CACNB2: variants seen among roughly 807,000 people sequenced by gnomAD.
CACNB2 encodes voltage-dependent L-type calcium channel subunit beta-2.
Under a neutral mutation model 73.3 loss-of-function variants are expected in CACNB2, and 42 were observed. The ratio of observed to expected loss-of-function variants is 0.57; its 90% confidence interval spans 0.45 to 0.74. The LOEUF is 0.74. Among genes scored for constraint, CACNB2 ranks in the 30% least tolerant of loss-of-function variants. The pLI, the probability that CACNB2 is intolerant of heterozygous loss-of-function variation, is 0.00. For synonymous variants in CACNB2, 348 were observed against 310.3 expected (o/e 1.12, Z -1.28); for missense variants, 940 against 853.0 (o/e 1.10, Z -1.27).
rs149131951 is a variant in CACNB2 at position 18,387,003 on chromosome 10, G to A, written c.214-14921G>A. ...CATTTAATTCCCTTCATAATTAAACGCTCCAGCGTATAATCACGGTGTATA... is the reference window on the plus strand; with the variant it reads ...CATTTAATTCCCTTCATAATTAAACACTCCAGCGTATAATCACGGTGTATA... On this transcript the variant is annotated intron_variant, in intron 2 of 13. Coordinates refer to ENST00000324631, the MANE Select transcript of CACNB2 (RefSeq NM_201596.3). Among the ~76,000 whole-genome samples the A allele has an allele frequency of 1.8e-3, 279 of 152,236 alleles. 1 individual carries two copies. Among genetic ancestry groups the A allele is most frequent in the African/African-American group, 6.0e-3 (248 of 41,538 alleles).
Position 18,506,885 on chromosome 10 carries a change from G to C in CACNB2, c.670+338G>C, listed in dbSNP as rs1372546385. On this transcript the variant is annotated intron_variant, in intron 6 of 13. Coordinates refer to ENST00000324631, the MANE Select transcript of CACNB2 (RefSeq NM_201596.3). ...CATGATCGCAGCTCACTGCGCCTCT[G>C]CCTCCAGGGCTCAAGTGATCCCCCC... 4.6e-5 allele frequency among the ~76,000 whole-genome samples: 7 copies of C among 152,246 alleles called. 1 individual carries two copies. Among genetic ancestry groups the C allele is most frequent in the Admixed American group, 4.6e-4 (7 of 15,290 alleles).
intron 3 of CACNB2, among the ~76,000 whole-genome samples, chr10:18,415,782 T>C (rs909529977): frequency 2.0e-5 from 3 of 152,188 alleles, no homozygotes; most frequent in Non-Finnish European, 4.4e-5. Context: ...CTCATAACCA[T>C]TCGTAAGTGT....
At chr10:18,432,575 G>A (rs2045941176) in intron 3 of CACNB2, among the ~76,000 whole-genome samples, 1 of 152,102 alleles carries the variant, frequency 6.6e-6, no homozygotes, top group African/African-American at 2.4e-5. Flanking sequence ...ACTTACACCT[G>A]TATTCCCAGC....
At chr10:18,395,748 G>A (rs2043684400) in intron 2 of CACNB2, among the ~76,000 whole-genome samples, 1 of 152,136 alleles carries the variant, frequency 6.6e-6, no homozygotes, top group Non-Finnish European at 1.5e-5. Context: ...GCGATGTATT[G>A]CTATCACCTC....
At chr10:18,347,100 G>T (rs531594467) in intron 2 of CACNB2, among the ~76,000 whole-genome samples, 2 of 152,272 alleles carry the variant, frequency 1.3e-5, no homozygotes, top group East Asian at 3.9e-4. Context: ...GAAGAAAAAG[G>T]CTTTGATTTG....
At chr10:18,327,262 G>T (rs2040621821) in intron 2 of CACNB2, among the ~76,000 whole-genome samples, 1 of 152,006 alleles carries the variant, frequency 6.6e-6, no homozygotes, top group African/African-American at 2.4e-5. Context: ...TAAAGAACAT[G>T]TTTTTTGTAA....
chr10:18,169,614 T>C (rs537522220), intron 2 of CACNB2, among the ~76,000 whole-genome samples: 1 of 152,306 alleles, frequency 6.6e-6, no homozygotes, highest in South Asian at 2.1e-4. Flanking sequence ...GACCAAATGC[T>C]TATATTTTGT....
intron 7 of CACNB2, 96 bp downstream of exon 7, chr10:18,514,465 A>G (rs576222645): frequency 1.2e-4 from 194 of 1,613,906 alleles, no homozygotes; most frequent in Middle Eastern, 1.6e-4. Flanking sequence ...TGATAAGCCA[A>G]TAACGTGCAT....
intron 2 of CACNB2, among the ~76,000 whole-genome samples, chr10:18,234,422 G>A (rs978749111): frequency 3.3e-5 from 5 of 152,118 alleles, no homozygotes; most frequent in Admixed American, 2.0e-4. Flanking sequence ...AGCAGGGACC[G>A]AGAGAGAGAT....
intron 2 of CACNB2, among the ~76,000 whole-genome samples, chr10:18,170,911 A>G (rs1266863209): frequency 6.6e-6 from 1 of 152,182 alleles, no homozygotes; most frequent in Non-Finnish European, 1.5e-5. Context: ...GATTTTCCAT[A>G]TATTTTTTAA....
intron 2 of CACNB2, chr10:18,206,605 G>A (rs2035104235): frequency 6.6e-6 from 1 of 152,332 alleles, no homozygotes; most frequent in Non-Finnish European, 1.5e-5. Context: ...GGAAATGTAG[G>A]AGCAAGACGC....
At chr10:18,309,166 T>C (rs1391791708) in intron 2 of CACNB2, among the ~76,000 whole-genome samples, 2 of 152,238 alleles carry the variant, frequency 1.3e-5, no homozygotes, top group Non-Finnish European at 2.9e-5. Flanking sequence ...ATTTTCAGAC[T>C]AAATATGTTA....
chr10:18,213,557 ACTT>A (rs1474248773), intron 2 of CACNB2, among the ~76,000 whole-genome samples: 1 of 152,094 alleles, frequency 6.6e-6, no homozygotes, highest in Non-Finnish European at 1.5e-5. Flanking sequence ...TATTTTTCCT[ACTT>A]CTTTCCATAA....
chr10:18,440,863 G>A (rs979085535), intron 3 of CACNB2, among the ~76,000 whole-genome samples: 3 of 152,220 alleles, frequency 2.0e-5, no homozygotes, highest in African/African-American at 4.8e-5. Flanking sequence ...GGGACTTGCA[G>A]GCCAGAGATG....
chr10:18,407,908 G>C (rs181330351), intron 3 of CACNB2, among the ~76,000 whole-genome samples: 4 of 151,982 alleles, frequency 2.6e-5, no homozygotes, highest in African/African-American at 9.7e-5. Context: ...TGCTGTCACT[G>C]TTTATTAAGC....
At chr10:18,465,308 C>G (rs527463124) in intron 3 of CACNB2, among the ~76,000 whole-genome samples, 1 of 152,008 alleles carries the variant, frequency 6.6e-6, no homozygotes, top group Non-Finnish European at 1.5e-5. Context: ...CCAGCCTGGG[C>G]GACAAAGCAA....
chr10:18,373,360 G>T lies in CACNB2; in HGVS notation c.214-28564G>T, dbSNP rs185296224. ...TGCTATATTTTGGTCTCCCAAACAA[G>T]GTAGGACAGCTTTCCTTAAGGGCCT... On this transcript the variant is annotated intron_variant, in intron 2 of 13. Transcript: ENST00000324631. Among the ~76,000 whole-genome samples the T allele has an allele frequency of 2.2e-4, 34 of 152,254 alleles. No homozygotes were observed. In the East Asian group the frequency reaches 5.8e-3, roughly 26 times the overall value.
intron 3 of CACNB2, among the ~76,000 whole-genome samples, chr10:18,469,079 C>G (rs778067588): frequency 2.0e-5 from 3 of 152,168 alleles, no homozygotes; most frequent in Non-Finnish European, 4.4e-5. Flanking sequence ...GAGACCCTGT[C>G]TCTACAAAAA....
chr10:18,475,010 T>G (rs981132358), intron 3 of CACNB2, among the ~76,000 whole-genome samples: 2 of 150,520 alleles, frequency 1.3e-5, no homozygotes, highest in African/African-American at 4.9e-5. Context: ...CTACTCAGGT[T>G]CTATAATTTG....
Sources: gnomAD v4.1 joint callset for allele counts (sites outside exome capture counted in the v4.1 genomes callset) on GRCh38, gnomAD v4.1.1 for gene constraint, MANE v1.5 for transcripts, NCBI Gene and HGNC (gene_info 2026-07-23, HGNC 2026-07-21) for gene names.